PDE1C: variants seen among roughly 807,000 people sequenced by gnomAD.
PDE1C encodes the protein dual specificity calcium/calmodulin-dependent 3',5'-cyclic nucleotide phosphodiesterase 1C.
Under a neutral mutation model 93.1 loss-of-function variants are expected in PDE1C, and 62 were observed. That is an observed-to-expected ratio of 0.67 (90% CI 0.54 to 0.82). The LOEUF is 0.82. Ranked by LOEUF, PDE1C falls within the 40% of genes least tolerant of loss-of-function variation. The pLI is 0.00. For missense variants in PDE1C, 742 were observed against 884.6 expected, an observed-to-expected ratio of 0.84 and a Z score of 2.04; for synonymous variants, 325 against 310.1, an observed-to-expected ratio of 1.05 and a Z score of -0.50.
At position 32,208,628 on chromosome 7, in the gene PDE1C, A is replaced by G. The variant is rs191011163; in HGVS notation, c.136+861T>C. On this transcript the variant is annotated intron_variant, in intron 2 of 18. Transcript: ENST00000396193. ...GTGAGGCAGTGATAAATCCGTTTCT[A>G]TTTACAGTTGTACGATTTCTCCACC... 1.8e-3 allele frequency among the ~76,000 whole-genome samples: 276 copies of G among 152,226 alleles called. 3 individuals carry two copies. Among genetic ancestry groups the G allele is most frequent in the African/African-American group, 6.0e-3 (250 of 41,514 alleles).
chr7:31,927,775 C>T (rs1803594990), intron 2 of PDE1C, among the ~76,000 whole-genome samples: 1 of 152,140 alleles, frequency 6.6e-6, no homozygotes, highest in Non-Finnish European at 1.5e-5. Flanking sequence ...AGAAAAACCC[C>T]ATCCAAAGGC....
chr7:31,806,167 G>A (rs970997349), intron 16 of PDE1C, among the ~76,000 whole-genome samples: 2 of 151,820 alleles, frequency 1.3e-5, no homozygotes, highest in Non-Finnish European at 2.9e-5. Flanking sequence ...CTAAGACTTG[G>A]TTTATAACCA....
At chr7:32,161,122 A>C (rs533581927) in intron 3 of PDE1C, among the ~76,000 whole-genome samples, 7 of 152,360 alleles carry the variant, frequency 4.6e-5, no homozygotes, top group Non-Finnish European at 1.0e-4. Flanking sequence ...CAACCCATTC[A>C]TTCAATCAAC....
chr7:31,815,424 A>G (rs975005212), intron 15 of PDE1C, among the ~76,000 whole-genome samples: 1 of 152,110 alleles, frequency 6.6e-6, no homozygotes, highest in African/African-American at 2.4e-5. Context: ...TTCTGTTTTT[A>G]AAACAGAAAG....
the PDE1C span, among the ~76,000 whole-genome samples, chr7:31,649,939 A>G: frequency 6.6e-6 from 1 of 152,182 alleles, no homozygotes; most frequent in African/African-American, 2.4e-5. Context: ...TGGGCATTCT[A>G]AAGAGAGAAT....
At chr7:32,313,287 C>T (rs372190220) in intron 1 of PDE1C, among the ~76,000 whole-genome samples, 30 of 151,768 alleles carry the variant, frequency 2.0e-4, no homozygotes, top group Non-Finnish European at 3.5e-4. Context: ...GAAATAGGAA[C>T]ACTTTTACAC....
intron 1 of PDE1C, among the ~76,000 whole-genome samples, chr7:32,315,687 C>A (rs1167806165): frequency 4.6e-5 from 7 of 152,146 alleles, no homozygotes. Flanking sequence ...AAATTACTTC[C>A]TGTACTTTTC....
At chr7:31,634,384 G>A in the PDE1C span, among the ~76,000 whole-genome samples, 3 of 152,046 alleles carry the variant, frequency 2.0e-5, no homozygotes, top group African/African-American at 7.2e-5. Context: ...ACATTATGTA[G>A]CCTATATATT....
Position 32,115,398 on chromosome 7 carries a change from C to T in PDE1C, c.308+54387G>A, listed in dbSNP as rs1007925448. Among the ~76,000 whole-genome samples, 14 of 152,140 alleles carry T rather than the reference C, an allele frequency of 9.2e-5. No individual in the cohort carries two copies. The East Asian group carries it at 1.4e-3, about 15-fold the overall frequency. On this transcript the variant is annotated intron_variant, in intron 3 of 18. Coordinates refer to the PDE1C transcript ENST00000396193. The stretch of plus-strand genomic sequence containing the variant: ...AAACCAAACACCGCATGTTCTCACT[C>T]ATAAGTGGGAGTTGAACAATAAGAG...
chr7:31,621,216 A>G, the PDE1C span, among the ~76,000 whole-genome samples: 1 of 152,094 alleles, frequency 6.6e-6, no homozygotes, highest in Admixed American at 6.6e-5. Flanking sequence ...TCCCCAATCT[A>G]GCAAGGCAGG....
intron 1 of PDE1C, among the ~76,000 whole-genome samples, chr7:32,054,098 T>C (rs954019975): frequency 3.9e-5 from 4 of 103,028 alleles, no homozygotes; most frequent in African/African-American, 1.2e-4. Context: ...GTGGGAAGAG[T>C]AATAAAATTT....
At chr7:31,632,319 G>A in the PDE1C span, among the ~76,000 whole-genome samples, 5 of 152,014 alleles carry the variant, frequency 3.3e-5, no homozygotes, top group Admixed American at 2.6e-4. Flanking sequence ...GTGGTGGCAC[G>A]TGCCTGTAGT....
At chr7:32,038,178 C>A (rs1563232003) in intron 2 of PDE1C, among the ~76,000 whole-genome samples, 4 of 152,140 alleles carry the variant, frequency 2.6e-5, no homozygotes. Flanking sequence ...TGGATTTCTT[C>A]TTTTAGCCTC....
intron 6 of PDE1C, among the ~76,000 whole-genome samples, chr7:31,866,721 G>A (rs1369560611): frequency 6.6e-6 from 1 of 152,150 alleles, no homozygotes; most frequent in Non-Finnish European, 1.5e-5. Context: ...GAAGTAAGAG[G>A]AAACACCTAA....
intron 2 of PDE1C, among the ~76,000 whole-genome samples, chr7:32,010,711 G>T (rs117559658): frequency 0.01 from 1,596 of 152,270 alleles, 24 homozygotes; most frequent in South Asian, 0.049. Context: ...TTCCTTCTGA[G>T]GGCAGTGAAG....
chr7:31,698,380 A>T, the PDE1C span, among the ~76,000 whole-genome samples: 20,283 of 151,980 alleles, frequency 0.13, 1,577 homozygotes, highest in East Asian at 0.36. Context: ...AATTACCTCT[A>T]TCTATCCCTT....
At chr7:32,207,373 CTT>C (rs1262101069) in intron 2 of PDE1C, among the ~76,000 whole-genome samples, 1 of 146,288 alleles carries the variant, frequency 6.8e-6, no homozygotes, top group African/African-American at 2.6e-5. Flanking sequence ...AAAAAAAAAA[CTT>C]ATCATCCGAA....
At chr7:31,666,946 C>G in the PDE1C span, among the ~76,000 whole-genome samples, 1 of 152,108 alleles carries the variant, frequency 6.6e-6, no homozygotes, top group South Asian at 2.1e-4. Context: ...TTGTAAGGCT[C>G]TAGGCATAAG....
At position 32,129,361 on chromosome 7, in the gene PDE1C, A is replaced by T. The variant is rs1384610480; in HGVS notation, c.308+40424T>A. On this transcript the variant is annotated intron_variant, in intron 3 of 18. Coordinates refer to the PDE1C transcript ENST00000396193. ...CACAAATAGTAAAAAGATATAAAAA[A>T]TATTGCAATGATTATATCTGGGTAT... 1.3e-5 allele frequency among the ~76,000 whole-genome samples: 2 copies of T among 148,462 alleles called. 1 individual carries two copies. Among genetic ancestry groups the T allele is most frequent in the African/African-American group, 5.1e-5 (2 of 38,962 alleles).
Sources: allele counts gnomAD v4.1 joint callset (sites outside exome capture counted in the v4.1 genomes callset), GRCh38; gene constraint gnomAD v4.1.1; transcripts MANE v1.5; gene names NCBI Gene and HGNC (gene_info 2026-07-23, HGNC 2026-07-21).